Variants in ZFYVE9 observed in about 807,000 individuals in gnomAD.
ZFYVE9 encodes the protein zinc finger FYVE-type containing 9.
ZFYVE9 carries 43 observed loss-of-function variants against 126.7 expected under a neutral mutation model. That is an observed-to-expected ratio of 0.34 (90% CI 0.27 to 0.44). ZFYVE9 has a LOEUF of 0.44. Ranked by LOEUF, ZFYVE9 falls within the 20% of genes least tolerant of loss-of-function variation. The pLI is 1.00. For synonymous variants in ZFYVE9, 521 were observed against 597.4 expected (o/e 0.87, Z 1.87); for missense variants, 1,476 against 1,697.0 (o/e 0.87, Z 2.29).
chr1:52,335,020 T>C lies in ZFYVE9; in HGVS notation c.3670+252T>C, dbSNP rs563848027. ...CTGGGATAAGGTACCTGAGGGCATG[T>C]AGTCTGAGTTCAAATATATCATTGG... On this transcript the variant is annotated intron_variant, in intron 15 of 18. Transcript: ENST00000287727. 8 of 318,896 alleles carry C rather than the reference T, an allele frequency of 2.5e-5. No homozygotes were observed. The South Asian group carries it at 3.8e-4, about 15-fold the overall frequency. The allele number at this position is 318,896 out of a possible 1,614,324, so 19.8% of individuals were successfully genotyped here.
intron 8 of ZFYVE9, among the ~76,000 whole-genome samples, chr1:52,275,678 C>T (rs1645741004): frequency 1.3e-5 from 2 of 152,088 alleles, no homozygotes; most frequent in Non-Finnish European, 2.9e-5. Context: ...GATCAGTATA[C>T]AATTACTACA....
chr1:52,277,440 A>G (rs1645758973), intron 8 of ZFYVE9, among the ~76,000 whole-genome samples: 1 of 152,178 alleles, frequency 6.6e-6, no homozygotes, highest in Admixed American at 6.5e-5. Flanking sequence ...TATCTATATT[A>G]CTTAAACTAT....
chr1:52,330,580 T>C (rs1250979793), intron 13 of ZFYVE9, among the ~76,000 whole-genome samples: 1 of 152,198 alleles, frequency 6.6e-6, no homozygotes, highest in Non-Finnish European at 1.5e-5. Flanking sequence ...CTGTCATGCA[T>C]GGGTGGGAGC....
chr1:52,310,951 A>T (rs967916911), intron 13 of ZFYVE9, among the ~76,000 whole-genome samples: 1 of 152,138 alleles, frequency 6.6e-6, no homozygotes, highest in Non-Finnish European at 1.5e-5. Flanking sequence ...GCTCACTGGT[A>T]GCCTCCTGGG....
At chr1:52,284,027 A>G (rs1240520615) in intron 10 of ZFYVE9, among the ~76,000 whole-genome samples, 1 of 152,150 alleles carries the variant, frequency 6.6e-6, no homozygotes, top group African/African-American at 2.4e-5. Context: ...CTAACTGGAT[A>G]TAGGGGGTTA....
chr1:52,198,225 G>A lies in ZFYVE9; in HGVS notation c.-142-18144G>A, dbSNP rs572022176. On this transcript the variant is annotated intron_variant, in intron 1 of 18. Coordinates refer to ENST00000287727, the MANE Select transcript of ZFYVE9 (RefSeq NM_004799.4). ...CAACCTCTGCCTCCCGGGTTCAAGCGATTCTCCTGCCTCAGCCTCCACAGT... is the reference window on the plus strand; with the variant it reads ...CAACCTCTGCCTCCCGGGTTCAAGCAATTCTCCTGCCTCAGCCTCCACAGT... Among the ~76,000 whole-genome samples the A allele has an allele frequency of 1.2e-3, 167 of 143,588 alleles. 1 individual carries two copies. Among genetic ancestry groups the A allele is most frequent in the African/African-American group, 4.1e-3 (162 of 39,056 alleles). 94.2% of individuals were successfully genotyped at this position (143,588 alleles called of 152,430 possible). A position where few individuals can be genotyped will look rare whatever the true frequency, so the allele number is the denominator to read the frequency against.
At chr1:52,312,988 G>A (rs1646152075) in intron 13 of ZFYVE9, among the ~76,000 whole-genome samples, 1 of 152,128 alleles carries the variant, frequency 6.6e-6, no homozygotes, top group African/African-American at 2.4e-5. Context: ...CTTATAAGAA[G>A]GGGAAATATG....
At chr1:52,319,677 A>T (rs558751724) in intron 13 of ZFYVE9, among the ~76,000 whole-genome samples, 2 of 152,108 alleles carry the variant, frequency 1.3e-5, no homozygotes, top group East Asian at 3.9e-4. Context: ...CCTGAAATTT[A>T]TATGGGGATA....
chr1:52,219,357 A>G (rs765555182), intron 2 of ZFYVE9, among the ~76,000 whole-genome samples: 5 of 152,096 alleles, frequency 3.3e-5, no homozygotes, highest in Non-Finnish European at 5.9e-5. Flanking sequence ...TTTGGAGGGT[A>G]TTGATCCTGG....
In ZFYVE9 at chr1:52,292,900, T is replaced by C. The variant is rs78963877; in HGVS notation, c.3026-553T>C. The stretch of plus-strand genomic sequence containing the variant: ...CTTTTACTTAGACAAACTTCAACAA[T>C]GTGATAATATAACTTAGTTTATGCT... On this transcript the variant is annotated intron_variant, in intron 10 of 18. Coordinates refer to ENST00000287727, the MANE Select transcript of ZFYVE9 (RefSeq NM_004799.4). 4.5e-4 allele frequency among the ~76,000 whole-genome samples: 68 copies of C among 152,228 alleles called. 1 individual carries two copies. In the East Asian group the frequency reaches 0.013, roughly 28 times the overall value.
chr1:52,267,110 G>A (rs1185974588), intron 6 of ZFYVE9, among the ~76,000 whole-genome samples: 1 of 152,158 alleles, frequency 6.6e-6, no homozygotes, highest in Non-Finnish European at 1.5e-5. Context: ...TCCTTAAAAA[G>A]AGGTGCAGAA....
In ZFYVE9 at chr1:52,237,842, T is replaced by A. The variant is rs763237219; in HGVS notation, c.425T>A (p.Leu142Gln). The change falls in exon 4 of 19, where the codon CTG becomes CAG. Residue 142 changes from leucine (L) to glutamine (Q), a missense_variant. Physicochemically the swap from Leu to Gln is moderately radical, Grantham distance 113. Around this residue, in one of 2 missense-constraint regions of ZFYVE9, gnomAD observed 807 missense variants for 794.6 expected, o/e 1.02. Transcript: ENST00000287727. ...GEKKCGNLAC[L>Q]PDEKNVLVVA... ...AAGAAATGTGGAAACCTGGCTTGTC[T>A]GCCAGATGAGAAGAATGTTCTTGTT... The A allele has an allele frequency of 1.2e-5, 20 of 1,614,100 alleles. No homozygotes were observed. The Admixed American group carries it at 3.2e-4, about 26-fold the overall frequency.
intron 13 of ZFYVE9, among the ~76,000 whole-genome samples, chr1:52,332,169 A>G (rs1473606863): frequency 1.3e-5 from 2 of 152,058 alleles, no homozygotes; most frequent in African/African-American, 2.4e-5. Context: ...GAGTTCTTAC[A>G]TATTACATGC....
chr1:52,275,389 T>C (rs1645735358), intron 8 of ZFYVE9, among the ~76,000 whole-genome samples: 2 of 152,220 alleles, frequency 1.3e-5, no homozygotes, highest in Non-Finnish European at 1.5e-5. Context: ...ATTTATTTTC[T>C]TTTGGATATA....
At chr1:52,314,255 T>C (rs1461004153) in intron 13 of ZFYVE9, among the ~76,000 whole-genome samples, 1 of 152,178 alleles carries the variant, frequency 6.6e-6, no homozygotes, top group African/African-American at 2.4e-5. Flanking sequence ...ACTTAGGTAT[T>C]TTGCAAATAC....
chr1:52,311,055 G>A (rs1646132707), intron 13 of ZFYVE9, among the ~76,000 whole-genome samples: 1 of 152,080 alleles, frequency 6.6e-6, no homozygotes, highest in Non-Finnish European at 1.5e-5. Flanking sequence ...TTGTAGAGAT[G>A]AGGTCTTACT....
intron 13 of ZFYVE9, among the ~76,000 whole-genome samples, chr1:52,321,782 G>T (rs1646242644): frequency 6.6e-6 from 1 of 152,066 alleles, no homozygotes; most frequent in South Asian, 2.1e-4. Flanking sequence ...GGACTCCTAG[G>T]GCATCCCTCA....
At chr1:52,196,717 TAGG>T (rs1192321049) in intron 1 of ZFYVE9, among the ~76,000 whole-genome samples, 1 of 152,206 alleles carries the variant, frequency 6.6e-6, no homozygotes, top group African/African-American at 2.4e-5. Flanking sequence ...TAGCATTTAA[TAGG>T]AGAAATTTTT....
At chr1:52,306,392 G>A (rs889723273) in intron 13 of ZFYVE9, among the ~76,000 whole-genome samples, 4 of 152,064 alleles carry the variant, frequency 2.6e-5, no homozygotes, top group African/African-American at 9.7e-5. Context: ...CTGAATACTC[G>A]ATTTGACAAC....
Sources: gnomAD v4.1 joint callset for allele counts (sites outside exome capture counted in the v4.1 genomes callset) on GRCh38, gnomAD v4.1.1 for gene constraint, gnomAD v4.1.1 regional missense constraint, MANE v1.5 for transcripts, NCBI Gene and HGNC (gene_info 2026-07-23, HGNC 2026-07-21) for gene names.